UTRN: variants seen among roughly 807,000 people sequenced by gnomAD.
The protein encoded by UTRN is dystrophin-related protein 1.
Under a neutral mutation model 463.9 loss-of-function variants are expected in UTRN, and 283 were observed. The ratio of observed to expected loss-of-function variants is 0.61; its 90% CI spans 0.55 to 0.67. The LOEUF is 0.67. Ranked by LOEUF, UTRN falls within the 30% of genes least tolerant of loss-of-function variation. The probability of loss-of-function intolerance (pLI) is 0.00; values close to 1 mark genes in which losing one functional copy is unlikely to be tolerated. For missense variants in UTRN, 3,922 were observed against 4,084.3 expected, an observed-to-expected ratio of 0.96 and a Z score of 1.08; for synonymous variants, 1,442 against 1,431.5, an observed-to-expected ratio of 1.01 and a Z score of -0.17.
chr6:144,539,960 C>T lies in UTRN; in HGVS notation c.6519+517C>T, dbSNP rs148052702. Among the ~76,000 whole-genome samples the T allele has an allele frequency of 6.6e-3, 989 of 150,984 alleles. 9 individuals carry two copies. The highest frequency in any genetic ancestry group is 0.023 in the African/African-American group (937 of 41,032). On this transcript the variant is annotated intron_variant, in intron 45 of 74. Transcript: ENST00000367545. Reference sequence around the variant, plus strand: ...TGGGAGGCCGAGGCACGAGAATTGCCTATACCTGGGAGGTGGAGGTTGCAG... The same window carrying T: ...TGGGAGGCCGAGGCACGAGAATTGCTTATACCTGGGAGGTGGAGGTTGCAG...
At chr6:144,488,855 G>A in intron 30 of UTRN, 21 bp downstream of exon 30, 1 of 1,563,768 alleles carries the variant, frequency 6.4e-7, no homozygotes, top group Non-Finnish European at 8.7e-7. Context: ...GCATTTGAGG[G>A]CTTTTGAGCT....
At chr6:144,656,495 T>G (rs760393981) in intron 51 of UTRN, among the ~76,000 whole-genome samples, 1 of 152,198 alleles carries the variant, frequency 6.6e-6, no homozygotes, top group Non-Finnish European at 1.5e-5. Flanking sequence ...CACTGCAGCT[T>G]CGACCTTCTG....
intron 9 of UTRN, among the ~76,000 whole-genome samples, chr6:144,433,102 G>A (rs1201353464): frequency 6.6e-6 from 1 of 152,174 alleles, no homozygotes; most frequent in Non-Finnish European, 1.5e-5. Context: ...CACAGACACG[G>A]CAACCATCCG....
chr6:144,527,577 C>T (rs964718625), intron 41 of UTRN, among the ~76,000 whole-genome samples: 2 of 152,204 alleles, frequency 1.3e-5, no homozygotes, highest in African/African-American at 4.8e-5. Flanking sequence ...TCAATTATTC[C>T]TGCAAATATG....
chr6:144,523,229 C>T, intron 41 of UTRN, 41 bp downstream of exon 41: 2 of 1,448,322 alleles, frequency 1.4e-6, no homozygotes, highest in East Asian at 5.2e-5. Context: ...AAAAAAATGC[C>T]TGCAAGTTCA....
intron 51 of UTRN, among the ~76,000 whole-genome samples, chr6:144,634,603 G>A (rs1310529048): frequency 6.6e-6 from 1 of 152,158 alleles, no homozygotes; most frequent in African/African-American, 2.4e-5. Context: ...TGTACCCATT[G>A]AAATTGTGCA....
chr6:144,767,178 G>A (rs1482484911), intron 58 of UTRN, among the ~76,000 whole-genome samples: 2 of 152,154 alleles, frequency 1.3e-5, no homozygotes, highest in African/African-American at 4.8e-5. Context: ...TAGTGCAGTT[G>A]CCAGGAGTTG....
intron 9 of UTRN, among the ~76,000 whole-genome samples, chr6:144,431,704 G>A (rs1237837398): frequency 6.6e-6 from 1 of 152,134 alleles, no homozygotes; most frequent in African/African-American, 2.4e-5. Flanking sequence ...AACTTTCCTG[G>A]TTCTTAGAAA....
intron 47 of UTRN, among the ~76,000 whole-genome samples, chr6:144,550,506 G>A (rs758812353): frequency 9.2e-5 from 14 of 152,220 alleles, no homozygotes; most frequent in Admixed American, 1.3e-4. Context: ...TTAATTTATA[G>A]TTATTCCTCT....
intron 41 of UTRN, among the ~76,000 whole-genome samples, chr6:144,523,681 C>A (rs1357315384): frequency 6.6e-6 from 1 of 152,046 alleles, no homozygotes; most frequent in East Asian, 1.9e-4. Context: ...TATAGATGAC[C>A]ATTTATAACA....
chr6:144,404,043 A>G (rs1783162310), intron 3 of UTRN, among the ~76,000 whole-genome samples: 1 of 152,238 alleles, frequency 6.6e-6, no homozygotes, highest in South Asian at 2.1e-4. Flanking sequence ...AGAGACAAAC[A>G]TTGGTATTTC....
In UTRN at chr6:144,782,069, A is replaced by C; in HGVS notation, c.8780A>C (p.Asn2927Thr). The stretch of plus-strand genomic sequence containing the variant: ...GAGCAAATGCATAAGGACCTGGTCA[A>C]CGTTCCACTCTGTGTTGATATGTGT... ...GLEQMHKDLV[N>T]VPLCVDMCLN... The change falls in exon 61 of 75, where the codon AAC (asparagine) becomes ACC (threonine). Residue 2927 changes from asparagine to threonine, a missense_variant. Coordinates refer to ENST00000367545, the MANE Select transcript of UTRN (RefSeq NM_007124.3). 6.2e-7 allele frequency: 1 copy of C among 1,614,040 alleles called. No individual in the cohort carries two copies. The highest frequency in any genetic ancestry group is 8.5e-7 in the Non-Finnish European group (1 of 1,179,966).
At chr6:144,807,597 A>G (rs1778255462) in intron 65 of UTRN, among the ~76,000 whole-genome samples, 1 of 152,104 alleles carries the variant, frequency 6.6e-6, no homozygotes, top group South Asian at 2.1e-4. Context: ...TTCTGTCTCC[A>G]TATGTCCAAA....
At chr6:144,538,125 A>G (rs1217143586) in intron 44 of UTRN, among the ~76,000 whole-genome samples, 1 of 152,190 alleles carries the variant, frequency 6.6e-6, no homozygotes, top group African/African-American at 2.4e-5. Flanking sequence ...TTGCTGAGGA[A>G]CAAAATGCAG....
Position 144,336,928 on chromosome 6 carries a change from G to A in UTRN, c.79+45021G>A, listed in dbSNP as rs115137989. ...TAAGCAGCCAGTCATGTAGGGTTGC[G>A]CCTGTGGCCCTGGCAGATTGGACCC... On this transcript the variant is annotated intron_variant, in intron 2 of 74. Transcript: ENST00000367545. Among the ~76,000 whole-genome samples the A allele has an allele frequency of 3.7e-3, 565 of 152,134 alleles. 3 individuals are homozygous for A. The highest frequency in any genetic ancestry group is 0.034 in the Middle Eastern group (10 of 294).
At chr6:144,601,952 C>T (rs1050166661) in intron 51 of UTRN, among the ~76,000 whole-genome samples, 2 of 152,010 alleles carry the variant, frequency 1.3e-5, no homozygotes, top group African/African-American at 2.4e-5. Context: ...GATAGACAAT[C>T]GTTAGCATTT....
intron 58 of UTRN, chr6:144,758,307 TAA>T (rs57600102): frequency 3.0e-3 from 476 of 157,632 alleles, no homozygotes; most frequent in East Asian, 0.016. Flanking sequence ...CTCTAAAAAG[TAA>T]AAAAAAAAAA....
chr6:144,435,567 T>C (rs960042370), intron 9 of UTRN, among the ~76,000 whole-genome samples: 2 of 152,216 alleles, frequency 1.3e-5, no homozygotes, highest in African/African-American at 2.4e-5. Flanking sequence ...TCTACGAAAC[T>C]TTCCTGTTTT....
rs146510577 is a variant in UTRN, at chr6:144,837,618, G to C, written c.10065+1077G>C. Reference sequence around the variant, plus strand: ...AATAGGAGTGCCTTTCTCCAGAAATGATTTATTGACTCAAAGCAGGAACAA... The same window carrying C: ...AATAGGAGTGCCTTTCTCCAGAAATCATTTATTGACTCAAAGCAGGAACAA... On this transcript the variant is annotated intron_variant, in intron 71 of 74. Coordinates refer to ENST00000367545, the MANE Select transcript of UTRN (RefSeq NM_007124.3). 9.8e-5 allele frequency among the ~76,000 whole-genome samples: 15 copies of C among 152,304 alleles called. No individual in the cohort carries two copies. In the East Asian group the frequency reaches 2.9e-3, roughly 29 times the overall value.
Sources: gnomAD v4.1 joint callset for allele counts (sites outside exome capture counted in the v4.1 genomes callset) on GRCh38, gnomAD v4.1.1 for gene constraint, MANE v1.5 for transcripts, NCBI Gene and HGNC (gene_info 2026-07-23, HGNC 2026-07-21) for gene names.